Variants in UPK3B observed in about 807,000 individuals in gnomAD.
UPK3B encodes the protein uroplakin 3B, also known as uroplakin-3b.
A neutral mutation model predicts 27.6 loss-of-function variants in UPK3B; 21 were observed. That is an observed-to-expected ratio of 0.76 (90% CI 0.54 to 1.10). The LOEUF (loss-of-function observed/expected upper bound fraction) is 1.10, where lower values mean the gene tolerates loss of function less well. UPK3B is among the 50% of genes least tolerant of loss of function. The pLI is 0.00. For synonymous variants in UPK3B, 141 were observed against 162.3 expected, an observed-to-expected ratio of 0.87 and a Z score of 1.00; for missense variants, 306 against 376.1, an observed-to-expected ratio of 0.81 and a Z score of 1.54.
intron 5 of UPK3B, among the ~76,000 whole-genome samples, 174 bp downstream of exon 5, chr7:76,514,250 C>T (rs1181550491): frequency 6.6e-6 from 1 of 152,154 alleles, no homozygotes; most frequent in Non-Finnish European, 1.5e-5. Context: ...AAGCGATCCT[C>T]CCGTCTCGGC....
In UPK3B at chr7:76,510,577, G is replaced by A. The variant is rs986011383; in HGVS notation, c.-76G>A. On this transcript the variant is annotated 5_prime_UTR_variant, in exon 1 of 6. Transcript: ENST00000334348. ...AGCCTGATTAACCAGCTTCTCCAGG[G>A]CCAAGCTGTTGGGGGTGAGGTGCAG... is the stretch of plus-strand genomic sequence containing the variant. 3.0e-6 allele frequency: 4 copies of A among 1,328,148 alleles called. No individual in the cohort carries two copies. In the African/African-American group the frequency reaches 5.9e-5, roughly 20 times the overall value. The allele number at this position is 1,328,148 out of a possible 1,614,324, so 82.3% of individuals were successfully genotyped here.
chr7:76,511,511 A>G, intron 2 of UPK3B, 146 bp from the exon 3 acceptor site: 2 of 793,944 alleles, frequency 2.5e-6, no homozygotes, highest in Non-Finnish European at 4.0e-6. Context: ...AACAAAGTCG[A>G]CTGGGTCTGG....
At chr7:76,513,901 C>G in intron 4 of UPK3B, 46 bp from the exon 5 acceptor site, 1 of 1,611,020 alleles carries the variant, frequency 6.2e-7, no homozygotes, top group Non-Finnish European at 8.5e-7. Flanking sequence ...GACAGCCAGC[C>G]CTGGGGTCGA....
Position 76,516,252 on chromosome 7 carries a change from C to T in UPK3B, c.*1048C>T, listed in dbSNP as rs1302361710. 8.2e-6 allele frequency: 5 copies of T among 612,006 alleles called. 2 individuals are homozygous for T. In the East Asian group the frequency reaches 8.6e-4, roughly 105 times the overall value. The allele number at this position is 612,006 out of a possible 1,614,324, so 37.9% of individuals were successfully genotyped here. A position where few individuals can be genotyped will look rare whatever the true frequency, so the allele number is the denominator to read the frequency against. On this transcript the variant is annotated 3_prime_UTR_variant, in exon 6 of 6. Transcript: ENST00000334348. ...GGACTCTAGGCCTCCCTCCGCCAAG[C>T]CAGAGGGATGAGCAATCACGCCTGA...
intron 5 of UPK3B, among the ~76,000 whole-genome samples, chr7:76,514,758 T>C (rs1412149586): frequency 6.6e-6 from 1 of 151,814 alleles, no homozygotes; most frequent in Middle Eastern, 3.4e-3. Context: ...ATGCAAAAAT[T>C]GTCCGGGTGT....
At chr7:76,514,966 G>A (rs546863163) in intron 5 of UPK3B, 79 bp from the exon 6 acceptor site, 1 of 1,491,486 alleles carries the variant, frequency 6.7e-7, no homozygotes, top group South Asian at 1.3e-5. Flanking sequence ...GAGCTGGGAG[G>A]GAGGAGAGCA....
chr7:76,516,138 C>T lies in UPK3B; in HGVS notation c.*934C>T, dbSNP rs1584277345. 8.2e-6 allele frequency: 5 copies of T among 611,790 alleles called. 1 individual carries two copies. Among genetic ancestry groups the T allele is most frequent in the East Asian group, 1.7e-4 (1 of 5,762 alleles). 37.9% of individuals were successfully genotyped at this position (611,790 alleles called of 1,614,324 possible). A position where few individuals can be genotyped will look rare whatever the true frequency, so the allele number is the denominator to read the frequency against. On this transcript the variant is annotated 3_prime_UTR_variant, in exon 6 of 6. Coordinates refer to ENST00000334348, the MANE Select transcript of UPK3B (RefSeq NM_001347684.2). ...GGTGAGCCGCAGCCAGGCCGCCTCA[C>T]GGCCAGTGTGCATGCTCGCTGCTAT...
At chr7:76,513,271 G>T (rs1027225799) in intron 4 of UPK3B, 108 bp downstream of exon 4, 23 of 1,111,064 alleles carry the variant, frequency 2.1e-5, no homozygotes, top group Non-Finnish European at 3.0e-5. Context: ...GGGCCTGGAG[G>T]CCATGTCCAA....
intron 5 of UPK3B, among the ~76,000 whole-genome samples, 198 bp from the exon 6 acceptor site, chr7:76,514,847 A>G (rs893197290): frequency 2.6e-5 from 4 of 151,056 alleles, no homozygotes; most frequent in Non-Finnish European, 5.9e-5. Flanking sequence ...CGAAGGTTAC[A>G]GTGAGCTTAG....
At chr7:76,514,905 CAAAAAA>C (rs3972800) in intron 5 of UPK3B, 134 bp from the exon 6 acceptor site, 9,971 of 963,192 alleles carry the variant, frequency 0.01, 22 homozygotes, top group Non-Finnish European at 0.012. Context: ...GACTCCATCT[CAAAAAA>C]AAAAAAAAAA....
chr7:76,515,392 C>T lies in UPK3B; in HGVS notation c.*188C>T, dbSNP rs971141834. On this transcript the variant is annotated 3_prime_UTR_variant, in exon 6 of 6. Coordinates refer to ENST00000334348, the MANE Select transcript of UPK3B (RefSeq NM_001347684.2). The stretch of plus-strand genomic sequence containing the variant: ...CCTCTCCTCTGCCTTTCTGGTTTCT[C>T]TCCCTCTCCAAGCATCTGTAAGTTG... 12 of 1,498,740 alleles carry T rather than the reference C, an allele frequency of 8.0e-6. No individual in the cohort carries two copies. Among genetic ancestry groups the T allele is most frequent in the African/African-American group, 5.5e-5 (4 of 72,428 alleles). The allele number at this position is 1,498,740 out of a possible 1,614,324, so 92.8% of individuals were successfully genotyped here.
At position 76,515,345 on chromosome 7, in the gene UPK3B, A is replaced by C. The variant is rs116356292; in HGVS notation, c.*141A>C. 7.6e-4 allele frequency: 1,138 copies of C among 1,499,400 alleles called. 9 individuals carry two copies. In the African/African-American group the frequency reaches 0.014, roughly 18 times the overall value. 92.9% of individuals were successfully genotyped at this position (1,499,400 alleles called of 1,614,324 possible). A position where few individuals can be genotyped will look rare whatever the true frequency, so the allele number is the denominator to read the frequency against. On this transcript the variant is annotated 3_prime_UTR_variant, in exon 6 of 6. Coordinates refer to ENST00000334348, the MANE Select transcript of UPK3B (RefSeq NM_001347684.2). ...CCAGCACACCCCGTACCCTGCCTGG[A>C]ATCCCAGCACCAGCCCCCCTGCCTC... is the stretch of plus-strand genomic sequence containing the variant.
chr7:76,514,628 G>A (rs1236234297), intron 5 of UPK3B, among the ~76,000 whole-genome samples: 2 of 152,224 alleles, frequency 1.3e-5, no homozygotes, highest in South Asian at 2.1e-4. Flanking sequence ...AGGTGAGGCC[G>A]GGTGCAGTGG....
intron 5 of UPK3B, 104 bp from the exon 6 acceptor site, chr7:76,514,941 A>C (rs1812677641): frequency 7.8e-7 from 1 of 1,280,266 alleles, no homozygotes; most frequent in Non-Finnish European, 1.1e-6. Flanking sequence ...AGAGAGAGAG[A>C]GACTACACAT....
At chr7:76,513,713 G>A (rs1812621187) in intron 4 of UPK3B, among the ~76,000 whole-genome samples, 1 of 151,920 alleles carries the variant, frequency 6.6e-6, no homozygotes. Flanking sequence ...ACGTGGGTGG[G>A]AGCAGCCTAG....
Position 76,510,638 on chromosome 7 carries a change from G to C in UPK3B, c.-15G>C. Reference sequence around the variant, plus strand: ...CCAGACCAGCCCCTGAGCCTCCCGGGTGCTGGCAGCTGTCATGGGGCTACC... The same window carrying C: ...CCAGACCAGCCCCTGAGCCTCCCGGCTGCTGGCAGCTGTCATGGGGCTACC... On this transcript the variant is annotated 5_prime_UTR_variant, in exon 1 of 6. Transcript: ENST00000334348. 17 of 1,453,882 alleles carry C rather than the reference G, an allele frequency of 1.2e-5. No individual in the cohort carries two copies. Among genetic ancestry groups the C allele is most frequent in the Non-Finnish European group, 1.6e-5 (17 of 1,096,730 alleles). The allele number at this position is 1,453,882 out of a possible 1,614,324, so 90.1% of individuals were successfully genotyped here.
chr7:76,515,428 G>T lies in UPK3B; in HGVS notation c.*224G>T. Reference sequence around the variant, plus strand: ...AGCATCTGTAAGTTGCACTCAGGAGGGTTTAGGGGAGGGCCATGGGCAGGC... The same window carrying T: ...AGCATCTGTAAGTTGCACTCAGGAGTGTTTAGGGGAGGGCCATGGGCAGGC... On this transcript the variant is annotated 3_prime_UTR_variant, in exon 6 of 6. Transcript: ENST00000334348. 1 of 1,496,778 alleles carries T rather than the reference G, an allele frequency of 6.7e-7. No individual in the cohort carries two copies. The highest frequency in any genetic ancestry group is 1.3e-5 in the South Asian group (1 of 78,618). 92.7% of individuals were successfully genotyped at this position (1,496,778 alleles called of 1,614,324 possible).
Position 76,513,070 on chromosome 7 carries a change from C to T in UPK3B, c.462-14C>T. ...GAAGCTCTCCCCTCCTCCCCCACCA[C>T]CTCCCATCCCCAGGGTGAAGTTCCT... On this transcript the variant is annotated splice_polypyrimidine_tract_variant and intron_variant, in intron 3 of 5. Coordinates refer to ENST00000334348, the MANE Select transcript of UPK3B (RefSeq NM_001347684.2). 1.2e-6 allele frequency: 2 copies of T among 1,610,074 alleles called. No homozygotes were observed. Among genetic ancestry groups the T allele is most frequent in the Non-Finnish European group, 1.7e-6 (2 of 1,178,120 alleles).
chr7:76,513,141 A>C lies in UPK3B; in HGVS notation c.519A>C (p.Ser173=). The C allele has an allele frequency of 1.2e-6, 2 of 1,613,820 alleles. No individual in the cohort carries two copies. Among genetic ancestry groups the C allele is most frequent in the Non-Finnish European group, 8.5e-7 (1 of 1,179,926 alleles). Residue 173 remains serine, a synonymous_variant, in exon 4 of 6, where the codon TCA becomes TCC. Transcript: ENST00000334348. ...RGSPRAETKW[S]DPITLHQGKT... is the part of the protein sequence containing the mutation. ...CACCCAGGGCTGAGACCAAGTGGTC[A>C]GACCCCATCACTCTCCACCAAGGTA... is the stretch of plus-strand genomic sequence containing the variant.
Sources: allele counts gnomAD v4.1 joint callset (sites outside exome capture counted in the v4.1 genomes callset), GRCh38; gene constraint gnomAD v4.1.1; transcripts MANE v1.5; gene names NCBI Gene and HGNC (gene_info 2026-07-23, HGNC 2026-07-21).